The following FAF1 variants were observed in gnomAD, a reference collection of about 807,000 sequenced individuals.
The protein encoded by FAF1 is Fas associated factor 1.
FAF1 carries 25 observed loss-of-function variants against 92.5 expected under a neutral mutation model. That is an observed-to-expected ratio of 0.27 (90% confidence interval 0.20 to 0.38). The LOEUF is 0.38. Among genes scored for constraint, FAF1 ranks in the 10% least tolerant of loss-of-function variants. The pLI, the probability that FAF1 is intolerant of heterozygous loss-of-function variation, is 1.00. For missense variants in FAF1, 636 were observed against 793.3 expected, an observed-to-expected ratio of 0.80 and a Z score of 2.38; for synonymous variants, 234 against 273.2, an observed-to-expected ratio of 0.86 and a Z score of 1.42.
At chr1:50,780,752 A>C (rs1003285481) in intron 4 of FAF1, 11 of 294,412 alleles carry the variant, frequency 3.7e-5, no homozygotes, top group African/African-American at 2.4e-4. Context: ...CTGGAGAACA[A>C]ATCACCCCGA....
intron 6 of FAF1, among the ~76,000 whole-genome samples, chr1:50,717,067 C>A (rs1448269580): frequency 6.6e-6 from 1 of 152,176 alleles, no homozygotes; most frequent in Non-Finnish European, 1.5e-5. Context: ...TCTGGACACA[C>A]CATCTTTAAG....
intron 4 of FAF1, among the ~76,000 whole-genome samples, chr1:50,746,268 ATATATATATATATATATATATATATTTTT>A (rs1659592056): frequency 4.7e-4 from 13 of 27,624 alleles, no homozygotes; most frequent in South Asian, 4.3e-3. Flanking sequence ...ATATATATAT[ATATATATATATATATATATATATATTTTT>A]TTTTTTTTTT....
intron 13 of FAF1, among the ~76,000 whole-genome samples, chr1:50,543,191 T>C (rs1283136401): frequency 2.0e-5 from 3 of 152,194 alleles, no homozygotes; most frequent in African/African-American, 7.2e-5. Context: ...AACAGGATAT[T>C]GTTTAATTTC....
intron 1 of FAF1, among the ~76,000 whole-genome samples, chr1:50,954,527 AT>A (rs1645248111): frequency 1.4e-5 from 2 of 140,680 alleles, no homozygotes; most frequent in South Asian, 2.2e-4. Context: ...CAATAAAAAA[AT>A]AAAAAATTTT....
chr1:50,742,453 A>G (rs1037371219), intron 5 of FAF1, among the ~76,000 whole-genome samples: 2 of 152,114 alleles, frequency 1.3e-5, no homozygotes, highest in Non-Finnish European at 2.9e-5. Flanking sequence ...GCAAAATCTC[A>G]GCTCACTGCA....
At chr1:50,665,583 C>T (rs1655580420) in intron 7 of FAF1, among the ~76,000 whole-genome samples, 1 of 152,178 alleles carries the variant, frequency 6.6e-6, no homozygotes, top group Non-Finnish European at 1.5e-5. Flanking sequence ...CATAAAGTTA[C>T]ACTGGAACAC....
chr1:50,574,341 G>A (rs184126618), intron 12 of FAF1, among the ~76,000 whole-genome samples: 55 of 152,346 alleles, frequency 3.6e-4, no homozygotes, highest in African/African-American at 1.3e-3. Flanking sequence ...AAGCAGGCAT[G>A]CTCTTTGGGG....
At chr1:50,751,687 G>A (rs1659875809) in intron 4 of FAF1, among the ~76,000 whole-genome samples, 1 of 152,116 alleles carries the variant, frequency 6.6e-6, no homozygotes, top group Non-Finnish European at 1.5e-5. Context: ...TGGCTATGAT[G>A]TATACTATAA....
At chr1:50,743,113 C>G (rs1430586878) in intron 5 of FAF1, among the ~76,000 whole-genome samples, 2 of 152,186 alleles carry the variant, frequency 1.3e-5, no homozygotes, top group Non-Finnish European at 2.9e-5. Flanking sequence ...TATTTACTAT[C>G]TGACTCTGTA....
At chr1:50,811,191 T>C (rs1643905323) in intron 2 of FAF1, among the ~76,000 whole-genome samples, 1 of 151,718 alleles carries the variant, frequency 6.6e-6, no homozygotes, top group African/African-American at 2.4e-5. Context: ...CAGAAATAAT[T>C]AGCCAGGCAA....
intron 17 of FAF1, among the ~76,000 whole-genome samples, chr1:50,488,287 T>C (rs1166015960): frequency 6.6e-6 from 1 of 152,150 alleles, no homozygotes; most frequent in Non-Finnish European, 1.5e-5. Flanking sequence ...GTTTATAGGG[T>C]CTTCTGTAAG....
At chr1:50,762,793 T>C (rs1249110752) in intron 4 of FAF1, among the ~76,000 whole-genome samples, 3 of 151,828 alleles carry the variant, frequency 2.0e-5, no homozygotes, top group Non-Finnish European at 2.9e-5. Flanking sequence ...GGACTTCATG[T>C]CTAAAACACC....
At chr1:50,786,247 T>C (rs1424583234) in intron 4 of FAF1, among the ~76,000 whole-genome samples, 2 of 152,196 alleles carry the variant, frequency 1.3e-5, no homozygotes, top group African/African-American at 2.4e-5. Context: ...AAATGTGATA[T>C]ATACACACAA....
intron 3 of FAF1, among the ~76,000 whole-genome samples, chr1:50,801,420 G>T (rs1433070285): frequency 6.6e-6 from 1 of 152,170 alleles, no homozygotes; most frequent in African/African-American, 2.4e-5. Flanking sequence ...TTAAAAGATG[G>T]TGTTACCAAA....
intron 8 of FAF1, among the ~76,000 whole-genome samples, chr1:50,650,248 C>T (rs957280164): frequency 2.8e-5 from 4 of 144,264 alleles, no homozygotes; most frequent in African/African-American, 1.0e-4. Flanking sequence ...CACACCATTG[C>T]ACTCCAGCCT....
chr1:50,816,243 C>T (rs1234156415), intron 2 of FAF1, among the ~76,000 whole-genome samples: 2 of 123,426 alleles, frequency 1.6e-5, no homozygotes, highest in Non-Finnish European at 3.2e-5. Flanking sequence ...CTTGCTCTGT[C>T]GCCCAGGCTG....
intron 7 of FAF1, among the ~76,000 whole-genome samples, chr1:50,667,317 A>G (rs1655683146): frequency 6.6e-6 from 1 of 152,246 alleles, no homozygotes; most frequent in Admixed American, 6.5e-5. Flanking sequence ...GCTGGAATAA[A>G]AGAATATGAA....
At chr1:50,819,789 A>ACATATATATACG (rs1644025300) in intron 2 of FAF1, among the ~76,000 whole-genome samples, 3 of 64,310 alleles carry the variant, frequency 4.7e-5, no homozygotes, top group Admixed American at 1.8e-4. Flanking sequence ...ATATATATAC[A>ACATATATATACG]TATATATATA....
intron 1 of FAF1, among the ~76,000 whole-genome samples, chr1:50,866,693 G>A (rs1266563370): frequency 6.6e-6 from 1 of 152,002 alleles, no homozygotes; most frequent in African/African-American, 2.4e-5. Context: ...AGAAATCATA[G>A]ATGACACAAA....
Sources: gnomAD v4.1 joint callset for allele counts (sites outside exome capture counted in the v4.1 genomes callset) on GRCh38, gnomAD v4.1.1 for gene constraint, MANE v1.5 for transcripts, NCBI Gene and HGNC (gene_info 2026-07-23, HGNC 2026-07-21) for gene names.